The following RAP2B variants were observed in gnomAD, a reference collection of about 807,000 sequenced individuals.
RAP2B encodes the protein RAP2B, member of RAS oncogene family.
In RAP2B, 6 loss-of-function variants were observed where a neutral mutation model predicts 14.4. The ratio of observed to expected loss-of-function variants is 0.42; its 90% confidence interval spans 0.23 to 0.82. The LOEUF (loss-of-function observed/expected upper bound fraction) is 0.82. RAP2B is among the 40% of genes least tolerant of loss of function. The pLI is 0.30. For missense variants in RAP2B, 137 were observed against 248.2 expected (o/e 0.55, Z 3.01); for synonymous variants, 118 against 113.2 (o/e 1.04, Z -0.27).
rs1306225618 is a variant in RAP2B at position 153,168,394 on chromosome 3, C to G, written c.*5149C>G. 6.0e-6 allele frequency: 1 copy of G among 166,978 alleles called. No homozygotes were observed. Among genetic ancestry groups the G allele is most frequent in the African/African-American group, 2.4e-5 (1 of 41,432 alleles). The allele number at this position is 166,978 out of a possible 1,614,324, so 10.3% of individuals were successfully genotyped here. ...GGGGAAGAAAGGCCCTTACTCAAATCTCCATTTTCATTTTTAATGCTTCCT... is the reference window on the plus strand; with the variant it reads ...GGGGAAGAAAGGCCCTTACTCAAATGTCCATTTTCATTTTTAATGCTTCCT... On this transcript the variant is annotated 3_prime_UTR_variant, in exon 1 of 1. Transcript: ENST00000323534.
rs1713677705 is a variant in RAP2B, at chr3:153,169,661, G to C, written c.*6416G>C. On this transcript the variant is annotated 3_prime_UTR_variant, in exon 1 of 1. Transcript: ENST00000323534. The stretch of plus-strand genomic sequence containing the variant: ...GGGTTTCACTACGTTGGTCAGGATG[G>C]TCTTGAACTTCTGACCTTGTGCTCC... The C allele has an allele frequency of 6.6e-6, 1 of 152,132 alleles. No individual in the cohort carries two copies. The highest frequency in any genetic ancestry group is 1.5e-5 in the Non-Finnish European group (1 of 68,094). 9.4% of individuals were successfully genotyped at this position (152,132 alleles called of 1,614,324 possible).
chr3:153,163,202 C>A lies in RAP2B; in HGVS notation c.509C>A (p.Pro170His). ...CGGCAGATGAACTACGCGGCGCAGCCCAACGGCGATGAGGGCTGCTGCTCG... is the reference window on the plus strand; with the variant it reads ...CGGCAGATGAACTACGCGGCGCAGCACAACGGCGATGAGGGCTGCTGCTCG... ...IVRQMNYAAQ[P>H]NGDEGCCSAC... The change falls in exon 1 of 1, where the codon CCC becomes CAC. Residue 170 changes from proline (P) to histidine (H), a missense_variant. Physicochemically the swap from Pro to His is moderately conservative, Grantham distance 77. Transcript: ENST00000323534. The A allele has an allele frequency of 1.3e-6, 2 of 1,593,746 alleles. No individual in the cohort carries two copies. The highest frequency in any genetic ancestry group is 1.3e-5 in the African/African-American group (1 of 74,706).
In RAP2B at chr3:153,164,103, C is replaced by G. The variant is rs1489222494; in HGVS notation, c.*858C>G. The stretch of plus-strand genomic sequence containing the variant: ...CAGCTGTGAAAAAAATGTTACAGAT[C>G]TGCACATTTTCGTGTGTACTATGGT... On this transcript the variant is annotated 3_prime_UTR_variant, in exon 1 of 1. Transcript: ENST00000323534. The G allele has an allele frequency of 1.2e-5, 2 of 165,912 alleles. No homozygotes were observed. The highest frequency in any genetic ancestry group is 1.3e-4 in the Admixed American group (2 of 15,180). 10.3% of individuals were successfully genotyped at this position (165,912 alleles called of 1,614,324 possible).
rs1713535459 is a variant in RAP2B, at chr3:153,164,998, T to C, written c.*1753T>C. ...GAATCTGATCTGACATGGAACAGTT[T>C]ACCTCATTGTAGGTAGGGAACAAGA... On this transcript the variant is annotated 3_prime_UTR_variant, in exon 1 of 1. Coordinates refer to ENST00000323534, the MANE Select transcript of RAP2B (RefSeq NM_002886.4). The C allele has an allele frequency of 6.0e-6, 1 of 166,868 alleles. No homozygotes were observed. The highest frequency in any genetic ancestry group is 6.5e-5 in the Admixed American group (1 of 15,292). 10.3% of individuals were successfully genotyped at this position (166,868 alleles called of 1,614,324 possible).
rs1366032338 is a variant in RAP2B at position 153,166,655 on chromosome 3, ACT to A, written c.*3413_*3414del. 6.0e-6 allele frequency: 1 copy of A among 166,942 alleles called. No homozygotes were observed. The highest frequency in any genetic ancestry group is 2.4e-5 in the African/African-American group (1 of 41,398). The allele number at this position is 166,942 out of a possible 1,614,324, so 10.3% of individuals were successfully genotyped here. ...TTAAAGGTATCATCTTAGGTCTAAC[ACT>A]CTAGTCTTTGAGAGTTACGGTTCTT... On this transcript the variant is annotated 3_prime_UTR_variant, in exon 1 of 1. Coordinates refer to ENST00000323534, the MANE Select transcript of RAP2B (RefSeq NM_002886.4).
chr3:153,166,755 G>A lies in RAP2B; in HGVS notation c.*3510G>A, dbSNP rs558952615. The A allele has an allele frequency of 1.7e-4, 28 of 166,796 alleles. No homozygotes were observed. The highest frequency in any genetic ancestry group is 7.2e-4 in the Admixed American group (11 of 15,290). 10.3% of individuals were successfully genotyped at this position (166,796 alleles called of 1,614,324 possible). A position where few individuals can be genotyped will look rare whatever the true frequency, so the allele number is the denominator to read the frequency against. On this transcript the variant is annotated 3_prime_UTR_variant, in exon 1 of 1. Transcript: ENST00000323534. ...CACATTTTGGGACCAGATGTATTTG[G>A]GGATAGAATTCTTTAAATGTATGGG...
rs73872931 is a variant in RAP2B at position 153,163,607 on chromosome 3, T to G, written c.*362T>G. ...AAAAAAAATGGGGGGGAAGGGTGGA[T>G]GAAAAGGAGGGAGAGAAGGTGGAAA... On this transcript the variant is annotated 3_prime_UTR_variant, in exon 1 of 1. Coordinates refer to ENST00000323534, the MANE Select transcript of RAP2B (RefSeq NM_002886.4). The G allele has an allele frequency of 0.07, 13,675 of 195,538 alleles. 1,681 individuals carry two copies. Among genetic ancestry groups the G allele is most frequent in the African/African-American group, 0.28 (11,396 of 40,440 alleles). The allele number at this position is 195,538 out of a possible 1,614,324, so 12.1% of individuals were successfully genotyped here.
rs574606114 is a variant in RAP2B, at chr3:153,163,074, G to C, written c.381G>C (p.Ser127=). Residue 127 remains serine (S), a synonymous_variant, in exon 1 of 1, where the codon TCG becomes TCC. Transcript: ENST00000323534. ...KVDLEGEREV[S]YGEGKALAEE... ...ACCTGGAGGGTGAGCGCGAGGTCTC[G>C]TACGGGGAGGGCAAGGCCCTGGCTG... The C allele has an allele frequency of 1.2e-6, 2 of 1,614,004 alleles. No individual in the cohort carries two copies. The highest frequency in any genetic ancestry group is 2.2e-5 in the South Asian group (2 of 91,086).
rs1251462128 is a variant in RAP2B, at chr3:153,168,493, CTGT to C, written c.*5256_*5258del. On this transcript the variant is annotated 3_prime_UTR_variant, in exon 1 of 1. Coordinates refer to ENST00000323534, the MANE Select transcript of RAP2B (RefSeq NM_002886.4). The stretch of plus-strand genomic sequence containing the variant: ...TGGTTAAAATTTTTTTTGTTCAACC[CTGT>C]TGTTGTTACTGTTATTTTCATAGCA... The C allele has an allele frequency of 2.4e-5, 4 of 164,106 alleles. No individual in the cohort carries two copies. The highest frequency in any genetic ancestry group is 2.1e-4 in the South Asian group (1 of 4,828). 10.2% of individuals were successfully genotyped at this position (164,106 alleles called of 1,614,324 possible).
At position 153,166,258 on chromosome 3, in the gene RAP2B, A is replaced by C. The variant is rs1713572680; in HGVS notation, c.*3013A>C. The C allele has an allele frequency of 6.0e-6, 1 of 166,622 alleles. No homozygotes were observed. The highest frequency in any genetic ancestry group is 2.4e-5 in the African/African-American group (1 of 41,470). The allele number at this position is 166,622 out of a possible 1,614,324, so 10.3% of individuals were successfully genotyped here. On this transcript the variant is annotated 3_prime_UTR_variant, in exon 1 of 1. Transcript: ENST00000323534. ...TGGTTTTATCTCATATTTTCTTGGCAAAATTGAGAGAAATTAGGAACACTG... is the reference window on the plus strand; with the variant it reads ...TGGTTTTATCTCATATTTTCTTGGCCAAATTGAGAGAAATTAGGAACACTG...
Position 153,163,191 on chromosome 3 carries a change from C to G in RAP2B, c.498C>G (p.Tyr166Ter). The stretch of plus-strand genomic sequence containing the variant: ...CCGAGATCGTGCGGCAGATGAACTA[C>G]GCGGCGCAGCCCAACGGCGATGAGG... ...LFAEIVRQMN[Y>*]AAQPNGDEGC... The change falls in exon 1 of 1, where the codon TAC becomes TAG. Residue 166 changes from tyrosine to a stop codon, truncating the protein, a stop_gained. Coordinates refer to ENST00000323534, the MANE Select transcript of RAP2B (RefSeq NM_002886.4). LOFTEE classifies it high-confidence loss of function. The G allele has an allele frequency of 6.3e-7, 1 of 1,599,328 alleles. No individual in the cohort carries two copies. Among genetic ancestry groups the G allele is most frequent in the Non-Finnish European group, 8.5e-7 (1 of 1,173,626 alleles).
Position 153,164,588 on chromosome 3 carries a change from T to C in RAP2B, c.*1343T>C, listed in dbSNP as rs780897752. ...TTTTTTAATTACCTGTTGTAGGGTG[T>C]TCCTCCAGAAGCAAAGAGCAAAATT... On this transcript the variant is annotated 3_prime_UTR_variant, in exon 1 of 1. Coordinates refer to ENST00000323534, the MANE Select transcript of RAP2B (RefSeq NM_002886.4). 4 of 167,090 alleles carry C rather than the reference T, an allele frequency of 2.4e-5. No individual in the cohort carries two copies. The highest frequency in any genetic ancestry group is 4.4e-5 in the Non-Finnish European group (3 of 68,112). 10.4% of individuals were successfully genotyped at this position (167,090 alleles called of 1,614,324 possible).
In RAP2B at chr3:153,170,194, A is replaced by AT. The variant is rs1713693772; in HGVS notation, c.*6955dup. 6.6e-6 allele frequency: 1 copy of AT among 152,186 alleles called. No individual in the cohort carries two copies. The allele number at this position is 152,186 out of a possible 1,614,324, so 9.4% of individuals were successfully genotyped here. A position where few individuals can be genotyped will look rare whatever the true frequency, so the allele number is the denominator to read the frequency against. ...TGTGAAAAATTGCAAAGGTAGCAAA[A>AT]TTTTTTAAAAAATGGAAAAGAGAAA... On this transcript the variant is annotated 3_prime_UTR_variant, in exon 1 of 1. Transcript: ENST00000323534.
rs1471177549 is a variant in RAP2B, at chr3:153,165,443, A to C, written c.*2198A>C. 6.0e-6 allele frequency: 1 copy of C among 165,388 alleles called. No homozygotes were observed. The highest frequency in any genetic ancestry group is 2.4e-5 in the African/African-American group (1 of 41,450). 10.2% of individuals were successfully genotyped at this position (165,388 alleles called of 1,614,324 possible). A position where few individuals can be genotyped will look rare whatever the true frequency, so the allele number is the denominator to read the frequency against. ...ACATGTTCATACATATCAAGAGAGT[A>C]CTTGGTATACCTTAGGTCTATGAAG... On this transcript the variant is annotated 3_prime_UTR_variant, in exon 1 of 1. Coordinates refer to ENST00000323534, the MANE Select transcript of RAP2B (RefSeq NM_002886.4).
rs1401389150 is a variant in RAP2B, at chr3:153,162,487, C to G, written c.-207C>G. The G allele has an allele frequency of 1.9e-5, 10 of 516,236 alleles. No individual in the cohort carries two copies. The Admixed American group carries it at 3.1e-4, about 16-fold the overall frequency. The allele number at this position is 516,236 out of a possible 1,614,324, so 32.0% of individuals were successfully genotyped here. A position where few individuals can be genotyped will look rare whatever the true frequency, so the allele number is the denominator to read the frequency against. On this transcript the variant is annotated 5_prime_UTR_variant, in exon 1 of 1. Transcript: ENST00000323534. The surrounding 1 kb of genome is among the most constrained non-coding windows in gnomAD (Gnocchi z 4.9). ...TGCTGCGGGGCCCGGACCCGCACCCCAGGGATACGCTGCCGCCGCCGCCGG... is the reference window on the plus strand; with the variant it reads ...TGCTGCGGGGCCCGGACCCGCACCCGAGGGATACGCTGCCGCCGCCGCCGG...
Position 153,162,531 on chromosome 3 carries a change from TCC to T in RAP2B, c.-162_-161del. ...CCGCCGGCCGGCCCGGCGCCCGGCCTCCGTTCGGTGGTTTCCGCCCTGCGTTC... is the reference window on the plus strand; with the variant it reads ...CCGCCGGCCGGCCCGGCGCCCGGCCTGTTCGGTGGTTTCCGCCCTGCGTTC... On this transcript the variant is annotated 5_prime_UTR_variant, in exon 1 of 1. Transcript: ENST00000323534. The surrounding 1 kb of genome is among the most constrained non-coding windows in gnomAD (Gnocchi z 4.9). The T allele has an allele frequency of 1.2e-6, 1 of 832,394 alleles. No individual in the cohort carries two copies. The highest frequency in any genetic ancestry group is 1.8e-5 in the African/African-American group (1 of 55,632). 51.6% of individuals were successfully genotyped at this position (832,394 alleles called of 1,614,324 possible).
At position 153,163,372 on chromosome 3, in the gene RAP2B, C is replaced by T; in HGVS notation, c.*127C>T. 4 of 1,348,034 alleles carry T rather than the reference C, an allele frequency of 3.0e-6. No individual in the cohort carries two copies. Among genetic ancestry groups the T allele is most frequent in the Non-Finnish European group, 4.0e-6 (4 of 1,008,714 alleles). 83.5% of individuals were successfully genotyped at this position (1,348,034 alleles called of 1,614,324 possible). On this transcript the variant is annotated 3_prime_UTR_variant, in exon 1 of 1. Transcript: ENST00000323534. ...CATTGGCCAGGGTGTCTTGGGAGCC[C>T]GGCTGGCCTCCGCGGCCGGCGTCCC...
In RAP2B at chr3:153,164,435, A is replaced by T. The variant is rs1261818364; in HGVS notation, c.*1190A>T. ...GGACAATAGGGCCTGTTGTTTAGTG[A>T]ATTTCTTTATTATTTTCAGCCTTTA... On this transcript the variant is annotated 3_prime_UTR_variant, in exon 1 of 1. Transcript: ENST00000323534. 1 of 166,940 alleles carries T rather than the reference A, an allele frequency of 6.0e-6. No homozygotes were observed. Among genetic ancestry groups the T allele is most frequent in the Non-Finnish European group, 1.5e-5 (1 of 68,090 alleles). 10.3% of individuals were successfully genotyped at this position (166,940 alleles called of 1,614,324 possible).
rs1713628578 is a variant in RAP2B, at chr3:153,168,041, G to C, written c.*4796G>C. 6.0e-6 allele frequency: 1 copy of C among 166,992 alleles called. No individual in the cohort carries two copies. The highest frequency in any genetic ancestry group is 2.4e-5 in the African/African-American group (1 of 41,446). The allele number at this position is 166,992 out of a possible 1,614,324, so 10.3% of individuals were successfully genotyped here. ...TGTCTGTGACTCAGTTTCTTAGCCA[G>C]ACTTCCAGGTGTTAGTTAATTCCTT... On this transcript the variant is annotated 3_prime_UTR_variant, in exon 1 of 1. Transcript: ENST00000323534.
Sources: allele counts gnomAD v4.1 joint callset, GRCh38; gene constraint gnomAD v4.1.1; non-coding constraint Gnocchi (gnomAD v3.1); transcripts MANE v1.5; gene names NCBI Gene and HGNC (gene_info 2026-07-23, HGNC 2026-07-21).